The following DOCK4 variants were observed in gnomAD, a reference collection of about 807,000 sequenced individuals.
DOCK4 encodes the protein dedicator of cytokinesis protein 4.
A neutral mutation model predicts 268.1 loss-of-function variants in DOCK4; 97 were observed. That is an observed-to-expected ratio of 0.36 (90% CI 0.31 to 0.43). The LOEUF (loss-of-function observed/expected upper bound fraction) is 0.43. Ranked by LOEUF, DOCK4 falls within the 20% of genes least tolerant of loss-of-function variation. The pLI is 1.00. For synonymous variants in DOCK4, 954 were observed against 887.2 expected, an observed-to-expected ratio of 1.08 and a Z score of -1.34; for missense variants, 2,145 against 2,455.7, an observed-to-expected ratio of 0.87 and a Z score of 2.67.
intron 30 of DOCK4, among the ~76,000 whole-genome samples, chr7:111,798,702 G>A (rs548614020): frequency 2.0e-5 from 3 of 152,238 alleles, no homozygotes; most frequent in Admixed American, 6.5e-5. Flanking sequence ...AGGATAAGCA[G>A]TAGTCACTCT....
At chr7:112,102,503 G>A (rs747727071) in intron 1 of DOCK4, among the ~76,000 whole-genome samples, 7 of 152,168 alleles carry the variant, frequency 4.6e-5, no homozygotes, top group Non-Finnish European at 8.8e-5. Context: ...AGTATTATGA[G>A]GTGGGGCCTT....
rs540042723 is a variant in DOCK4 at position 111,783,844 on chromosome 7, C to T, written c.3524+13G>A. On this transcript the variant is annotated intron_variant, in intron 34 of 52. Coordinates refer to ENST00000428084, the MANE Select transcript of DOCK4 (RefSeq NM_001363540.2). ...ATGAACTGGAGTTCAGAAAAACATGCGACTTGGCTTACCTGTAATCTAACA... is the reference window on the plus strand; with the variant it reads ...ATGAACTGGAGTTCAGAAAAACATGTGACTTGGCTTACCTGTAATCTAACA... 3.8e-5 allele frequency: 61 copies of T among 1,586,206 alleles called. No homozygotes were observed. The highest frequency in any genetic ancestry group is 1.7e-4 in the Middle Eastern group (1 of 6,018).
At chr7:112,192,721 T>C (rs1286808403) in intron 1 of DOCK4, among the ~76,000 whole-genome samples, 1 of 152,214 alleles carries the variant, frequency 6.6e-6, no homozygotes, top group African/African-American at 2.4e-5. Context: ...CTCCTTCACT[T>C]GTCCAGTCAT....
chr7:111,953,400 GC>G (rs993536198), intron 8 of DOCK4, among the ~76,000 whole-genome samples: 2 of 152,022 alleles, frequency 1.3e-5, no homozygotes, highest in African/African-American at 4.8e-5. Context: ...TCCCTAAAAG[GC>G]AATAGAATAC....
At chr7:112,133,558 C>T (rs1181981709) in intron 1 of DOCK4, among the ~76,000 whole-genome samples, 1 of 151,852 alleles carries the variant, frequency 6.6e-6, no homozygotes, top group Non-Finnish European at 1.5e-5. Flanking sequence ...ATGGTGACAC[C>T]CGTCTCTCCT....
chr7:112,085,849 G>C (rs1809034205), intron 1 of DOCK4, among the ~76,000 whole-genome samples: 1 of 151,940 alleles, frequency 6.6e-6, no homozygotes, highest in Non-Finnish European at 1.5e-5. Context: ...CTCTCTTGCA[G>C]AAAAAAAGAC....
chr7:111,988,938 C>A (rs947131732), intron 6 of DOCK4, 77 bp downstream of exon 6: 2 of 1,519,550 alleles, frequency 1.3e-6, no homozygotes, highest in African/African-American at 1.4e-5. Flanking sequence ...AGTGACATTA[C>A]CACGTTCTGG....
At chr7:111,969,210 TA>T (rs544019193) in intron 8 of DOCK4, among the ~76,000 whole-genome samples, 22,392 of 97,444 alleles carry the variant, frequency 0.23, 1,386 homozygotes, top group African/African-American at 0.32. Flanking sequence ...TAGAGTATAA[TA>T]AAAAAAAAAA....
chr7:112,045,242 A>G (rs1167458680), intron 1 of DOCK4, among the ~76,000 whole-genome samples: 1 of 152,132 alleles, frequency 6.6e-6, no homozygotes, highest in Non-Finnish European at 1.5e-5. Flanking sequence ...TCCCCCAGAT[A>G]TTTGAGTGAC....
In DOCK4 at chr7:112,105,767, C is replaced by T. The variant is rs565255580; in HGVS notation, c.37+100335G>A. Reference sequence around the variant, plus strand: ...GCAGTGATGCAATTACAGCTCACTGCAGCCTTGACCTCCTGGGCTCAAGCA... The same window carrying T: ...GCAGTGATGCAATTACAGCTCACTGTAGCCTTGACCTCCTGGGCTCAAGCA... On this transcript the variant is annotated intron_variant, in intron 1 of 52. Coordinates refer to ENST00000428084, the MANE Select transcript of DOCK4 (RefSeq NM_001363540.2). Among the ~76,000 whole-genome samples, 20 of 151,518 alleles carry T rather than the reference C, an allele frequency of 1.3e-4. No homozygotes were observed. The South Asian group carries it at 4.0e-3, about 30-fold the overall frequency.
Position 111,895,654 on chromosome 7 carries a change from A to C in DOCK4, c.1545T>G (p.Gly515=). Residue 515 remains glycine (G), a synonymous_variant, in exon 16 of 53, where the codon GGT becomes GGG. Transcript: ENST00000428084. ...CATGAGTGCCATCTGGAAGAGTCCT[A>C]CCATCTTCTTGCATCAGAGGGACAA... The part of the protein sequence containing the change: ...FSFVPLMQED[G]RTLPDGTHEL... 6.2e-7 allele frequency: 1 copy of C among 1,613,928 alleles called. No homozygotes were observed. The highest frequency in any genetic ancestry group is 1.3e-5 in the African/African-American group (1 of 75,040).
intron 42 of DOCK4, among the ~76,000 whole-genome samples, chr7:111,751,054 A>G (rs886254546): frequency 4.0e-4 from 61 of 152,218 alleles, no homozygotes; most frequent in Admixed American, 2.2e-3. Flanking sequence ...TTTGCAACCC[A>G]TAAAAGATTA....
At chr7:111,860,105 C>A (rs1412176989) in intron 23 of DOCK4, among the ~76,000 whole-genome samples, 1 of 152,222 alleles carries the variant, frequency 6.6e-6, no homozygotes, top group Non-Finnish European at 1.5e-5. Context: ...GTCCTGTTCT[C>A]TGACACTGTC....
intron 42 of DOCK4, among the ~76,000 whole-genome samples, chr7:111,752,744 GC>G (rs1796753674): frequency 1.3e-5 from 2 of 151,582 alleles, no homozygotes; most frequent in African/African-American, 4.8e-5. Flanking sequence ...GTGCCACCAT[GC>G]CCGGCTACTT....
chr7:112,003,993 T>A (rs1246888538), intron 2 of DOCK4, 55 bp downstream of exon 2: 73 of 1,385,448 alleles, frequency 5.3e-5, no homozygotes, highest in Non-Finnish European at 6.7e-5. Flanking sequence ...TGGACAGAAT[T>A]TGTAGACTTT....
chr7:112,076,904 T>C (rs1808116083), intron 1 of DOCK4, among the ~76,000 whole-genome samples: 1 of 152,176 alleles, frequency 6.6e-6, no homozygotes, highest in African/African-American at 2.4e-5. Flanking sequence ...TTGACAAGTA[T>C]ATTTTCCAAT....
In DOCK4 at chr7:111,732,338, G is replaced by A. The variant is rs559021092; in HGVS notation, c.5420-51C>T. ...TTCAATTAAGAAAAACCAGACGATT[G>A]ACTATCTGCACATGCCCTCTGTGTT... On this transcript the variant is annotated intron_variant, in intron 51 of 52. Coordinates refer to ENST00000428084, the MANE Select transcript of DOCK4 (RefSeq NM_001363540.2). The A allele has an allele frequency of 3.7e-5, 59 of 1,585,302 alleles. No homozygotes were observed. The African/African-American group carries it at 6.5e-4, about 17-fold the overall frequency.
At chr7:111,992,252 GC>G (rs1799602508) in intron 5 of DOCK4, among the ~76,000 whole-genome samples, 1 of 151,990 alleles carries the variant, frequency 6.6e-6, no homozygotes, top group African/African-American at 2.4e-5. Flanking sequence ...AAATATTATG[GC>G]CCCCATCAAA....
At chr7:112,100,780 G>GA (rs1775931672) in intron 1 of DOCK4, among the ~76,000 whole-genome samples, 1 of 152,062 alleles carries the variant, frequency 6.6e-6, no homozygotes, top group African/African-American at 2.4e-5. Context: ...TTTACCAAAG[G>GA]CAAAGATGAG....
Sources: gnomAD v4.1 joint callset for allele counts (sites outside exome capture counted in the v4.1 genomes callset) on GRCh38, gnomAD v4.1.1 for gene constraint, MANE v1.5 for transcripts, NCBI Gene and HGNC (gene_info 2026-07-23, HGNC 2026-07-21) for gene names.